The following MRC1 variants were observed in gnomAD, a reference collection of about 807,000 sequenced individuals.
The protein encoded by MRC1 is mannose receptor C-type 1.
A neutral mutation model predicts 102.9 loss-of-function variants in MRC1; 62 were observed. The ratio of observed to expected loss-of-function variants is 0.60; its 90% CI spans 0.49 to 0.74. The LOEUF (loss-of-function observed/expected upper bound fraction) is 0.74. MRC1 is among the 30% of genes least tolerant of loss of function. The probability of loss-of-function intolerance (pLI) is 0.00; values close to 1 mark genes in which losing one functional copy is unlikely to be tolerated. For synonymous variants in MRC1, 457 were observed against 298.4 expected, an observed-to-expected ratio of 1.53 and a Z score of -5.48; for missense variants, 1,237 against 862.8, an observed-to-expected ratio of 1.43 and a Z score of -5.43.
intron 28 of MRC1, among the ~76,000 whole-genome samples, chr10:17,908,249 C>A (rs994405231): frequency 0.063 from 9,588 of 152,192 alleles, 1,013 homozygotes; most frequent in African/African-American, 0.22. Context: ...CCTCCCAATA[C>A]ATTACTGATT....
chr10:17,904,105 A>T (rs1361010905), intron 26 of MRC1, among the ~76,000 whole-genome samples: 2 of 152,182 alleles, frequency 1.3e-5, no homozygotes, highest in Non-Finnish European at 2.9e-5. Flanking sequence ...TTGCATACCC[A>T]TAAGCACTGA....
Position 17,841,853 on chromosome 10 carries a change from G to T in MRC1, c.916+1047G>T, listed in dbSNP as rs933117336. The stretch of plus-strand genomic sequence containing the variant: ...GTCACATCTTATCAAATCTCCTATG[G>T]GCCATACCATTATAATACGGTGTTC... On this transcript the variant is annotated intron_variant, in intron 5 of 29. Transcript: ENST00000569591. 5.4e-3 allele frequency among the ~76,000 whole-genome samples: 823 copies of T among 151,750 alleles called. 3 individuals carry two copies. Among genetic ancestry groups the T allele is most frequent in the Non-Finnish European group, 8.5e-3 (578 of 67,924 alleles).
chr10:17,839,424 G>A (rs2130623324), intron 4 of MRC1, among the ~76,000 whole-genome samples: 1 of 149,278 alleles, frequency 6.7e-6, no homozygotes, highest in South Asian at 2.1e-4. Flanking sequence ...TTAGGAGCAT[G>A]TCCTGTAGAA....
chr10:17,885,172 A>G (rs1295217035), intron 21 of MRC1, 97 bp from the exon 22 acceptor site: 16 of 765,114 alleles, frequency 2.1e-5, no homozygotes, highest in Non-Finnish European at 3.2e-5. Context: ...CACAAGTCAC[A>G]TGCTAAATAT....
intron 8 of MRC1, chr10:17,854,837 C>A: frequency 1.2e-5 from 2 of 161,186 alleles, no homozygotes; most frequent in South Asian, 1.4e-4. Flanking sequence ...TACAAGCGTG[C>A]ACCACCACAT....
chr10:17,892,489 C>T (rs1315616482), intron 22 of MRC1, among the ~76,000 whole-genome samples: 1 of 152,116 alleles, frequency 6.6e-6, no homozygotes, highest in Non-Finnish European at 1.5e-5. Context: ...GTCTTGTGAC[C>T]TCCATTTTCC....
chr10:17,870,770 A>C, intron 13 of MRC1, 78 bp from the exon 14 acceptor site: 1 of 840,282 alleles, frequency 1.2e-6, no homozygotes, highest in Non-Finnish European at 2.1e-6. Flanking sequence ...GTAACTTTCA[A>C]ATGTGGTTAG....
chr10:17,812,015 C>T (rs1365772931), intron 1 of MRC1, among the ~76,000 whole-genome samples: 1 of 152,186 alleles, frequency 6.6e-6, no homozygotes, highest in East Asian at 1.9e-4. Flanking sequence ...CCCCTGGCTT[C>T]CTGCCCACTA....
At position 17,869,254 on chromosome 10, in the gene MRC1, A is replaced by G. The variant is rs960128550; in HGVS notation, c.1984-992A>G. On this transcript the variant is annotated intron_variant, in intron 12 of 29. Coordinates refer to ENST00000569591, the MANE Select transcript of MRC1 (RefSeq NM_002438.4). ...AATTCAGCTGATAGTAAATTTAGTT[A>G]AGAAAATAAAATCTTATATCACAGT... Among the ~76,000 whole-genome samples, 36 of 152,244 alleles carry G rather than the reference A, an allele frequency of 2.4e-4. 1 individual carries two copies. Among genetic ancestry groups the G allele is most frequent in the Admixed American group, 2.0e-4 (3 of 15,284 alleles).
chr10:17,823,867 C>A (rs1223843092), intron 2 of MRC1, among the ~76,000 whole-genome samples: 2 of 152,076 alleles, frequency 1.3e-5, no homozygotes, highest in Non-Finnish European at 2.9e-5. Context: ...TTTAAGTTAT[C>A]CCTGGAAAAA....
chr10:17,857,813 T>G (rs958812065), intron 9 of MRC1, among the ~76,000 whole-genome samples: 5 of 152,228 alleles, frequency 3.3e-5, no homozygotes, highest in Non-Finnish European at 5.9e-5. Context: ...AATCACAGGC[T>G]TGTTGTTGTT....
chr10:17,890,944 C>G (rs1007610222), intron 22 of MRC1, among the ~76,000 whole-genome samples: 1 of 151,958 alleles, frequency 6.6e-6, no homozygotes, highest in Non-Finnish European at 1.5e-5. Context: ...GCATTAGATT[C>G]TCATAGAAAC....
chr10:17,836,701 T>G (rs1046903888), intron 4 of MRC1, among the ~76,000 whole-genome samples: 1 of 151,936 alleles, frequency 6.6e-6, no homozygotes, highest in Non-Finnish European at 1.5e-5. Context: ...CTGGGCACGG[T>G]GGCAGGCTCC....
rs1271348155 is a variant in MRC1, at chr10:17,902,090, G to C, written c.3767G>C (p.Trp1256Ser). 1.3e-6 allele frequency: 1 copy of C among 780,604 alleles called. No individual in the cohort carries two copies. Among genetic ancestry groups the C allele is most frequent in the Non-Finnish European group, 2.4e-6 (1 of 417,940 alleles). 48.4% of individuals were successfully genotyped at this position (780,604 alleles called of 1,614,324 possible). A position where few individuals can be genotyped will look rare whatever the true frequency, so the allele number is the denominator to read the frequency against. Reference protein sequence around the residue: ...YYIESSYTRNWGQASLECLRM... With the variant: ...YYIESSYTRNSGQASLECLRM... ...ATTGAGTCCTCATATACAAGAAACT[G>C]GGGCCAAGCTTCTCTGGAATGTCTT... The change falls in exon 26 of 30, where the codon TGG (tryptophan) becomes TCG (serine). Residue 1256 changes from tryptophan (W) to serine (S), a missense_variant. By Grantham distance (177) the Trp-to-Ser change is radical (BLOSUM62 -3). Coordinates refer to ENST00000569591, the MANE Select transcript of MRC1 (RefSeq NM_002438.4).
At chr10:17,823,768 C>T (rs1003317758) in intron 2 of MRC1, among the ~76,000 whole-genome samples, 2 of 152,078 alleles carry the variant, frequency 1.3e-5, no homozygotes, top group African/African-American at 4.8e-5. Context: ...TTCAGAAAAT[C>T]GTTTTCATTG....
Position 17,885,388 on chromosome 10 carries a change from G to A in MRC1, c.3100G>A (p.Gly1034Arg), listed in dbSNP as rs1218115656. The part of the protein sequence containing the change: ...DGRGVHYTNW[G>R]KGYPGGRRSS... ...ACGAGGAGTCCATTACACAAACTGG[G>A]GGAAAGGTTACCCTGGTGGAAGAAG... Residue 1034 changes from glycine to arginine, a missense_variant, in exon 22 of 30, where the codon GGG becomes AGG. Coordinates refer to ENST00000569591, the MANE Select transcript of MRC1 (RefSeq NM_002438.4). The A allele has an allele frequency of 5.1e-6, 4 of 780,832 alleles. No individual in the cohort carries two copies. The highest frequency in any genetic ancestry group is 9.6e-6 in the Non-Finnish European group (4 of 417,960). 48.4% of individuals were successfully genotyped at this position (780,832 alleles called of 1,614,324 possible).
chr10:17,832,659 C>T (rs1838594030), intron 3 of MRC1, among the ~76,000 whole-genome samples: 1 of 150,464 alleles, frequency 6.6e-6, no homozygotes, highest in Non-Finnish European at 1.5e-5. Context: ...GCGATCTCGG[C>T]TCACTGCAAG....
intron 10 of MRC1, among the ~76,000 whole-genome samples, chr10:17,861,927 G>A (rs1213093953): frequency 2.0e-5 from 3 of 152,050 alleles, no homozygotes; most frequent in Non-Finnish European, 4.4e-5. Flanking sequence ...TCCATTCTTT[G>A]CTTTGCTTTG....
intron 23 of MRC1, 50 bp downstream of exon 23, chr10:17,894,362 C>G: frequency 1.2e-6 from 1 of 819,252 alleles, no homozygotes; most frequent in South Asian, 1.4e-5. Flanking sequence ...GTTTTTTTTT[C>G]CCCACTTTTT....
Sources: allele counts gnomAD v4.1 joint callset (sites outside exome capture counted in the v4.1 genomes callset), GRCh38; gene constraint gnomAD v4.1.1; transcripts MANE v1.5; gene names NCBI Gene and HGNC (gene_info 2026-07-23, HGNC 2026-07-21).